Variants in SAMMSON observed in about 807,000 individuals in gnomAD.
The protein encoded by SAMMSON is survival associated mitochondrial melanoma specific oncogenic non-coding RNA.
At chr3:70,364,076 T>C (rs1702900081) in intron 9 of SAMMSON, among the ~76,000 whole-genome samples, 1 of 151,908 alleles carries the variant, frequency 6.6e-6, no homozygotes, top group Admixed American at 6.6e-5. Flanking sequence ...AATATTTCTA[T>C]CATTCCTACA....
chr3:70,135,966 G>A (rs1259374687), intron 4 of SAMMSON, among the ~76,000 whole-genome samples: 4 of 139,948 alleles, frequency 2.9e-5, no homozygotes, highest in Non-Finnish European at 4.6e-5. Context: ...GCACTGATTT[G>A]TCGGTTGTTA....
chr3:70,245,661 G>C (rs1272671349), intron 4 of SAMMSON, among the ~76,000 whole-genome samples: 1 of 109,648 alleles, frequency 9.1e-6, no homozygotes, highest in Non-Finnish European at 1.8e-5. Context: ...TAACGTTTTT[G>C]CAAACTGCTT....
At chr3:70,026,427 A>G (rs1009058386) in intron 3 of SAMMSON, among the ~76,000 whole-genome samples, 20 of 150,998 alleles carry the variant, frequency 1.3e-4, no homozygotes, top group African/African-American at 4.6e-4. Flanking sequence ...TTCTTCCTCT[A>G]TGTTTCTTTC....
At chr3:70,260,654 G>T (rs1016517724) in intron 6 of SAMMSON, among the ~76,000 whole-genome samples, 4 of 151,986 alleles carry the variant, frequency 2.6e-5, no homozygotes, top group African/African-American at 9.7e-5. Context: ...TACAACTTCT[G>T]TCAGACTGCC....
intron 9 of SAMMSON, among the ~76,000 whole-genome samples, chr3:70,361,347 T>C (rs1186002326): frequency 6.6e-6 from 1 of 152,312 alleles, no homozygotes; most frequent in African/African-American, 2.4e-5. Flanking sequence ...TTACCAATTT[T>C]CAAAGAATTA....
At chr3:70,262,213 G>A (rs1215294964) in intron 6 of SAMMSON, among the ~76,000 whole-genome samples, 1 of 152,140 alleles carries the variant, frequency 6.6e-6, no homozygotes, top group Non-Finnish European at 1.5e-5. Flanking sequence ...TATGATGAAA[G>A]GATGAAAATG....
At chr3:70,280,349 G>A (rs1170435038) in intron 6 of SAMMSON, among the ~76,000 whole-genome samples, 2 of 152,012 alleles carry the variant, frequency 1.3e-5, no homozygotes, top group East Asian at 1.9e-4. Flanking sequence ...TCCTTAAGAG[G>A]TAATATGTAC....
chr3:70,171,937 T>C (rs554090755), intron 4 of SAMMSON, among the ~76,000 whole-genome samples: 1 of 151,778 alleles, frequency 6.6e-6, no homozygotes, highest in African/African-American at 2.4e-5. Context: ...TTTAAGGCTA[T>C]AGTGGAGTGA....
At chr3:70,389,628 TG>T (rs1258040821) in exon 10 of SAMMSON, 1 of 152,150 alleles carries the variant, frequency 6.6e-6, no homozygotes, top group African/African-American at 2.4e-5. Context: ...TGACTTGCTT[TG>T]TACAGCTGAT....
intron 4 of SAMMSON, chr3:70,072,474 C>T (rs1300654245): frequency 6.6e-6 from 1 of 151,070 alleles, no homozygotes; most frequent in Non-Finnish European, 1.5e-5. Flanking sequence ...TTATTTTGTG[C>T]TCACCCTTCA....
chr3:70,251,983 T>G (rs1701773592), intron 6 of SAMMSON, among the ~76,000 whole-genome samples: 1 of 152,336 alleles, frequency 6.6e-6, no homozygotes, highest in African/African-American at 2.4e-5. Context: ...TCAAAACACG[T>G]GTTAAGGAAC....
At chr3:70,211,426 CTTCCCTTCCCTTCCCTTCCT>C (rs1482319835) in intron 4 of SAMMSON, among the ~76,000 whole-genome samples, 66 of 9,188 alleles carry the variant, frequency 7.2e-3, no homozygotes, top group Non-Finnish European at 0.012. Flanking sequence ...TCCCTTTGCC[CTTCCCTTCCCTTCCCTTCCT>C]TTCCCTTCCC....
intron 1 of SAMMSON, among the ~76,000 whole-genome samples, chr3:70,002,492 A>G (rs1576090994): frequency 6.6e-6 from 1 of 152,196 alleles, no homozygotes; most frequent in Non-Finnish European, 1.5e-5. Flanking sequence ...CCAGCCACCA[A>G]GTCGCTTATA....
Position 70,287,424 on chromosome 3 carries a change from G to C in SAMMSON, n.675-3755G>C, listed in dbSNP as rs1233802486. On this transcript the variant is annotated intron_variant and non_coding_transcript_variant, in intron 6 of 9. Transcript: ENST00000642114. ...GGATGAAGCCCACTTGATCATGGTG[G>C]ATAAACTTTTTGATGTGCTGCTGGA... Among the ~76,000 whole-genome samples the C allele has an allele frequency of 3.3e-5, 5 of 151,756 alleles. No homozygotes were observed. The East Asian group carries it at 9.7e-4, about 29-fold the overall frequency.
chr3:70,243,243 T>A (rs994373704), intron 4 of SAMMSON, among the ~76,000 whole-genome samples: 1 of 152,134 alleles, frequency 6.6e-6, no homozygotes, highest in African/African-American at 2.4e-5. Context: ...GCTGAGTCTT[T>A]TTATTGGGGA....
chr3:70,373,591 T>C (rs1274511817), intron 9 of SAMMSON, among the ~76,000 whole-genome samples: 1 of 152,210 alleles, frequency 6.6e-6, no homozygotes, highest in Non-Finnish European at 1.5e-5. Flanking sequence ...GGAACTCTGA[T>C]AACACAGAAG....
intron 2 of SAMMSON, among the ~76,000 whole-genome samples, chr3:70,434,553 C>T (rs1025038007): frequency 1.3e-5 from 2 of 150,832 alleles, no homozygotes; most frequent in Admixed American, 6.6e-5. Flanking sequence ...ACAACTGTGT[C>T]ATCTGTGAAT....
chr3:70,071,647 C>G (rs956755198), intron 4 of SAMMSON: 4 of 151,902 alleles, frequency 2.6e-5, no homozygotes, highest in African/African-American at 9.7e-5. Flanking sequence ...TTAAGCCTCG[C>G]GATTCCTAAT....
At position 70,216,590 on chromosome 3, in the gene SAMMSON, G is replaced by C. The variant is rs543224424; in HGVS notation, n.508-32517G>C. ...CCTAACTAATAGGCTATACTATCTA[G>C]ATAGAGATTTTTTAAGTGGAATTTT... On this transcript the variant is annotated intron_variant and non_coding_transcript_variant, in intron 4 of 9. Transcript: ENST00000642114. Among the ~76,000 whole-genome samples, 3 of 152,222 alleles carry C rather than the reference G, an allele frequency of 2.0e-5. No individual in the cohort carries two copies. In the East Asian group the frequency reaches 5.8e-4, roughly 29 times the overall value.
Sources: allele counts gnomAD v4.1 joint callset (sites outside exome capture counted in the v4.1 genomes callset), GRCh38; gene constraint gnomAD v4.1.1; transcripts MANE v1.5; gene names NCBI Gene and HGNC (gene_info 2026-07-23, HGNC 2026-07-21).